CHEK1: variants seen among roughly 807,000 people sequenced by gnomAD.
CHEK1 encodes serine/threonine-protein kinase Chk1.
A neutral mutation model predicts 60.2 loss-of-function variants in CHEK1; 32 were observed. The observed-to-expected ratio is 0.53, with a 90% CI of 0.40 to 0.71. CHEK1 has a LOEUF of 0.71. CHEK1 is among the 30% of genes least tolerant of loss of function. The pLI, the probability that CHEK1 is intolerant of heterozygous loss-of-function variation, is 0.00. For missense variants in CHEK1, 399 were observed against 564.6 expected (o/e 0.71, Z 2.97); for synonymous variants, 179 against 187.2 (o/e 0.96, Z 0.36).
At chr11:125,634,393 G>A (rs1259930398) in intron 6 of CHEK1, among the ~76,000 whole-genome samples, 1 of 151,780 alleles carries the variant, frequency 6.6e-6, no homozygotes, top group African/African-American at 2.4e-5. Flanking sequence ...ACAATTCAAG[G>A]CTCACTGCAG....
At chr11:125,660,634 A>T (rs562400583), downstream of CHEK1, among the ~76,000 whole-genome samples, 1 of 152,236 alleles carries the variant, frequency 6.6e-6, no homozygotes, top group African/African-American at 2.4e-5. Context: ...TTTATTTAGA[A>T]GTAACTTCTT....
intron 8 of CHEK1, among the ~76,000 whole-genome samples, chr11:125,640,695 G>T (rs61919033): frequency 4.1e-3 from 619 of 152,138 alleles, no homozygotes; most frequent in Middle Eastern, 0.014. Flanking sequence ...TCAGCTTCCC[G>T]AGTAGCTGGG....
rs1941897642 is a variant in CHEK1, at chr11:125,656,199, A to G, written c.*879A>G. 9.5e-6 allele frequency: 2 copies of G among 211,146 alleles called. No homozygotes were observed. The highest frequency in any genetic ancestry group is 1.2e-4 in the Admixed American group (2 of 17,032). 13.1% of individuals were successfully genotyped at this position (211,146 alleles called of 1,614,324 possible). ...ATAAAATTTGTATCAACTTTGGGGC[A>G]TATTAGGTTGAGGCCTTGGCTCCTG... On this transcript the variant is annotated 3_prime_UTR_variant, in exon 13 of 13. Coordinates refer to ENST00000438015, the MANE Select transcript of CHEK1 (RefSeq NM_001114122.3).
At chr11:125,678,997 T>TATATAGAGAGAGAGAGAG (rs1446760515), downstream of CHEK1, among the ~76,000 whole-genome samples, 1 of 142,290 alleles carries the variant, frequency 7.0e-6, no homozygotes, top group African/African-American at 2.6e-5. Context: ...TATATATATA[T>TATATAGAGAGAGAGAGAG]AGACACACAC....
downstream of CHEK1, among the ~76,000 whole-genome samples, chr11:125,660,692 C>G (rs144364871): frequency 1.1e-3 from 165 of 151,972 alleles, 1 homozygote; most frequent in African/African-American, 3.8e-3. Flanking sequence ...TGATATTAAT[C>G]TAGCCCCACT....
chr11:125,680,833 G>T, downstream of CHEK1: 1 of 1,489,550 alleles, frequency 6.7e-7, no homozygotes. Context: ...TCTTCACAGA[G>T]CTATGAAGCA....
At chr11:125,640,348 T>C (rs758944984) in intron 8 of CHEK1, among the ~76,000 whole-genome samples, 3 of 151,918 alleles carry the variant, frequency 2.0e-5, no homozygotes, top group Admixed American at 6.6e-5. Context: ...GAGACCATCC[T>C]GGCTAACACG....
intron 12 of CHEK1, 54 bp from the exon 13 acceptor site, chr11:125,655,171 A>ATTTTGT (rs1049065134): frequency 3.8e-5 from 51 of 1,335,564 alleles, no homozygotes; most frequent in Middle Eastern, 3.7e-4. Flanking sequence ...TTAGGACAGA[A>ATTTTGT]TTTTGTTTTT....
intron 8 of CHEK1, among the ~76,000 whole-genome samples, chr11:125,639,212 T>C (rs1941187044): frequency 6.6e-6 from 1 of 152,050 alleles, no homozygotes; most frequent in African/African-American, 2.4e-5. Context: ...ACTGCACACT[T>C]GTACCTGCAC....
chr11:125,632,267 T>C (rs1363068769), intron 5 of CHEK1, among the ~76,000 whole-genome samples: 2 of 152,224 alleles, frequency 1.3e-5, no homozygotes, highest in Non-Finnish European at 2.9e-5. Context: ...AATATTCTTA[T>C]GTTTATGAAT....
In CHEK1 at chr11:125,676,096, T is replaced by TG. The variant is rs1432981927; in HGVS notation, c.*200dup. On this transcript the variant is annotated 3_prime_UTR_variant, in exon 14 of 14. Transcript: ENST00000428830. Reference sequence around the variant, plus strand: ...CTAGGTTTTGTATTTTTAGTAGAGATGGGGTTTTTTCATGTTGGCCAGGCT... The same window carrying TG: ...CTAGGTTTTGTATTTTTAGTAGAGATGGGGGTTTTTTCATGTTGGCCAGGCT... 27 of 335,768 alleles carry TG rather than the reference T, an allele frequency of 8.0e-5. No individual in the cohort carries two copies. The South Asian group carries it at 1.1e-3, about 14-fold the overall frequency. The allele number at this position is 335,768 out of a possible 1,614,324, so 20.8% of individuals were successfully genotyped here. A position where few individuals can be genotyped will look rare whatever the true frequency, so the allele number is the denominator to read the frequency against.
intron 7 of CHEK1, among the ~76,000 whole-genome samples, chr11:125,636,298 C>T (rs1055216267): frequency 6.6e-6 from 1 of 152,144 alleles, no homozygotes; most frequent in Non-Finnish European, 1.5e-5. Context: ...AGGTCTACAT[C>T]GTTGGTTTAA....
At chr11:125,651,878 C>T (rs996843277) in intron 11 of CHEK1, among the ~76,000 whole-genome samples, 1 of 152,148 alleles carries the variant, frequency 6.6e-6, no homozygotes, top group African/African-American at 2.4e-5. Context: ...TTTAAAATTG[C>T]TTTTGTGGAG....
At position 125,653,866 on chromosome 11, in the gene CHEK1, G is replaced by T; in HGVS notation, c.1335+19G>T. On this transcript the variant is annotated intron_variant, in intron 12 of 12. Coordinates refer to ENST00000438015, the MANE Select transcript of CHEK1 (RefSeq NM_001114122.3). The surrounding 1 kb of genome is among the most constrained non-coding windows in gnomAD (Gnocchi z 4.3). Reference sequence around the variant, plus strand: ...TTCTAAGGTATTTTTATGTTTTATTGTATTCTTTCTATGGAAATATTTCTA... The same window carrying T: ...TTCTAAGGTATTTTTATGTTTTATTTTATTCTTTCTATGGAAATATTTCTA... 7.5e-7 allele frequency: 1 copy of T among 1,339,918 alleles called. No homozygotes were observed. The highest frequency in any genetic ancestry group is 1.3e-5 in the South Asian group (1 of 76,792). 83.0% of individuals were successfully genotyped at this position (1,339,918 alleles called of 1,614,324 possible). A position where few individuals can be genotyped will look rare whatever the true frequency, so the allele number is the denominator to read the frequency against.
chr11:125,669,727 T>C (rs1430402043), intron 13 of CHEK1, among the ~76,000 whole-genome samples: 1 of 151,916 alleles, frequency 6.6e-6, no homozygotes. Flanking sequence ...GATTTCACCA[T>C]GTTGGCCAGG....
At chr11:125,661,702 A>T (rs1161872064), downstream of CHEK1, among the ~76,000 whole-genome samples, 1 of 151,676 alleles carries the variant, frequency 6.6e-6, no homozygotes, top group African/African-American at 2.4e-5. Context: ...TACTCTAGCT[A>T]TTACAATATG....
At chr11:125,631,916 TC>T in intron 5 of CHEK1, among the ~76,000 whole-genome samples, 1 of 142,870 alleles carries the variant, frequency 7.0e-6, no homozygotes, top group East Asian at 2.1e-4. Context: ...ACCTCCTAAG[TC>T]AGATAGAGGT....
At chr11:125,634,551 C>G (rs1014474941) in intron 6 of CHEK1, among the ~76,000 whole-genome samples, 1 of 152,036 alleles carries the variant, frequency 6.6e-6, no homozygotes, top group Admixed American at 6.6e-5. Flanking sequence ...TCTTAAACTC[C>G]TGGGCTCAAG....
chr11:125,681,063 T>TAA (rs11398416), downstream of CHEK1: 1,783 of 168,496 alleles, frequency 0.011, 5 homozygotes, highest in South Asian at 0.023. The surrounding 1 kb of genome is among the most constrained non-coding windows in gnomAD (Gnocchi z 4.2). Context: ...GCCCTATCTT[T>TAA]AAAAAAAAAA....
Sources: gnomAD v4.1 joint callset for allele counts (sites outside exome capture counted in the v4.1 genomes callset) on GRCh38, gnomAD v4.1.1 for gene constraint, Gnocchi (gnomAD v3.1) non-coding constraint, MANE v1.5 for transcripts, NCBI Gene and HGNC (gene_info 2026-07-23, HGNC 2026-07-21) for gene names.